Variants in DCC observed in about 807,000 individuals in gnomAD.
DCC encodes the protein netrin receptor DCC.
A neutral mutation model predicts 172.5 loss-of-function variants in DCC; 58 were observed. That is an observed-to-expected ratio of 0.34 (90% confidence interval 0.27 to 0.42). The LOEUF (loss-of-function observed/expected upper bound fraction) is 0.42. Among genes scored for constraint, DCC ranks in the 10% least tolerant of loss-of-function variants. The pLI is 1.00. For synonymous variants in DCC, 709 were observed against 644.5 expected, an observed-to-expected ratio of 1.10 and a Z score of -1.52; for missense variants, 1,740 against 1,791.0, an observed-to-expected ratio of 0.97 and a Z score of 0.51.
chr18:53,433,258 T>C (rs1411409324), intron 21 of DCC, among the ~76,000 whole-genome samples: 1 of 152,142 alleles, frequency 6.6e-6, no homozygotes, highest in Non-Finnish European at 1.5e-5. Context: ...TCACTAAATC[T>C]AAGGGGTGCT....
rs749992109 is a variant in DCC, at chr18:53,183,326, CCT to C, written c.1573+4213_1573+4214del. Among the ~76,000 whole-genome samples, 5 of 152,184 alleles carry C rather than the reference CCT, an allele frequency of 3.3e-5. No homozygotes were observed. In the South Asian group the frequency reaches 1.0e-3, roughly 32 times the overall value. ...GCTTGATTTATATGAAGGTTTGTGT[CCT>C]CTGATGGTATCTTCCTTTGCTAAAC... is the stretch of plus-strand genomic sequence containing the variant. On this transcript the variant is annotated intron_variant, in intron 9 of 28. Coordinates refer to ENST00000442544, the MANE Select transcript of DCC (RefSeq NM_005215.4).
At chr18:53,036,682 C>T (rs1458419462) in intron 5 of DCC, among the ~76,000 whole-genome samples, 3 of 152,004 alleles carry the variant, frequency 2.0e-5, no homozygotes, top group Non-Finnish European at 4.4e-5. Context: ...GCATAGGTAG[C>T]TGAATGCTAT....
intron 8 of DCC, among the ~76,000 whole-genome samples, chr18:53,162,298 C>CAAAAA (rs59626358): frequency 3.6e-4 from 41 of 114,754 alleles, no homozygotes; most frequent in African/African-American, 9.9e-4. Flanking sequence ...GACTCTGCCT[C>CAAAAA]AAAAAAAAAA....
At chr18:52,932,285 A>G (rs905428179) in intron 5 of DCC, among the ~76,000 whole-genome samples, 1 of 152,086 alleles carries the variant, frequency 6.6e-6, no homozygotes, top group African/African-American at 2.4e-5. Context: ...GTATCTGCCC[A>G]TCCCCAACTT....
intron 1 of DCC, among the ~76,000 whole-genome samples, chr18:52,506,215 A>G (rs956535137): frequency 6.6e-6 from 1 of 152,138 alleles, no homozygotes; most frequent in African/African-American, 2.4e-5. Context: ...TATGTCATAC[A>G]TTTTTAAAAG....
In DCC at chr18:53,383,122, G is replaced by A. The variant is rs185365350; in HGVS notation, c.2360-2921G>A. Among the ~76,000 whole-genome samples, 3 of 152,128 alleles carry A rather than the reference G, an allele frequency of 2.0e-5. No homozygotes were observed. The East Asian group carries it at 5.8e-4, about 29-fold the overall frequency. ...CCAGAGGCTAGATCAGACTAAGTAGGTTTGATCCCTTTGGCAAAACTCTGG... is the reference window on the plus strand; with the variant it reads ...CCAGAGGCTAGATCAGACTAAGTAGATTTGATCCCTTTGGCAAAACTCTGG... On this transcript the variant is annotated intron_variant, in intron 15 of 28. Coordinates refer to ENST00000442544, the MANE Select transcript of DCC (RefSeq NM_005215.4).
At chr18:52,392,369 C>T (rs1488648217) in intron 1 of DCC, among the ~76,000 whole-genome samples, 2 of 152,112 alleles carry the variant, frequency 1.3e-5, no homozygotes, top group Non-Finnish European at 2.9e-5. Flanking sequence ...AATTAGAAAG[C>T]TTGGATGATA....
At chr18:52,683,099 C>G (rs1863327555) in intron 1 of DCC, among the ~76,000 whole-genome samples, 1 of 151,952 alleles carries the variant, frequency 6.6e-6, no homozygotes, top group African/African-American at 2.4e-5. Context: ...TTCTTATTTC[C>G]ATGTGGTTCT....
At chr18:52,998,242 G>A (rs895465598) in intron 5 of DCC, among the ~76,000 whole-genome samples, 2 of 152,012 alleles carry the variant, frequency 1.3e-5, no homozygotes, top group African/African-American at 2.4e-5. Context: ...AGCAGGAATT[G>A]TGCTATAGTG....
intron 2 of DCC, among the ~76,000 whole-genome samples, chr18:52,797,970 C>T (rs764765113): frequency 3.3e-5 from 5 of 150,470 alleles, no homozygotes; most frequent in African/African-American, 4.9e-5. Flanking sequence ...GTGGTGGGTG[C>T]ACTGGACCTG....
chr18:52,952,458 C>T (rs1270980465), intron 5 of DCC, among the ~76,000 whole-genome samples: 1 of 152,092 alleles, frequency 6.6e-6, no homozygotes, highest in Non-Finnish European at 1.5e-5. Context: ...ATTTTCTTAT[C>T]TACTTATATT....
intron 15 of DCC, among the ~76,000 whole-genome samples, chr18:53,343,325 A>G (rs12956187): frequency 0.61 from 93,138 of 151,788 alleles, 29,200 homozygotes; most frequent in African/African-American, 0.68. Flanking sequence ...TTGTGAGATT[A>G]AAGAAATGCT....
intron 2 of DCC, among the ~76,000 whole-genome samples, chr18:52,830,122 G>A (rs1286191505): frequency 6.6e-6 from 1 of 152,140 alleles, no homozygotes; most frequent in Non-Finnish European, 1.5e-5. Flanking sequence ...AAGTAAGCAA[G>A]CCAGGAAGAG....
intron 12 of DCC, among the ~76,000 whole-genome samples, chr18:53,224,289 T>C (rs181939086): frequency 6.6e-6 from 1 of 152,222 alleles, no homozygotes; most frequent in East Asian, 1.9e-4. Context: ...ATATTTCAAG[T>C]GATGCCAACA....
At chr18:53,439,021 C>T (rs183992132) in intron 22 of DCC, among the ~76,000 whole-genome samples, 2 of 152,260 alleles carry the variant, frequency 1.3e-5, no homozygotes, top group East Asian at 1.9e-4. Flanking sequence ...AGATGAATAA[C>T]GTATCTGAAA....
chr18:52,941,561 CTATA>C (rs896199175), intron 5 of DCC, among the ~76,000 whole-genome samples: 7 of 151,634 alleles, frequency 4.6e-5, no homozygotes, highest in African/African-American at 1.2e-4. Flanking sequence ...TATACACACA[CTATA>C]TATGCATATA....
chr18:52,560,939 A>G (rs1033257309), intron 1 of DCC, among the ~76,000 whole-genome samples: 5 of 152,166 alleles, frequency 3.3e-5, no homozygotes, highest in Non-Finnish European at 7.4e-5. Flanking sequence ...AAGTTTCTGT[A>G]TCAATTTTTC....
chr18:52,438,446 A>C (rs991964158), intron 1 of DCC, among the ~76,000 whole-genome samples: 2 of 152,192 alleles, frequency 1.3e-5, no homozygotes, highest in Non-Finnish European at 2.9e-5. Flanking sequence ...CCATGAAAGA[A>C]GTTTATTAAT....
rs576908477 is a variant in DCC, at chr18:53,000,084, G to A, written c.986-63221G>A. On this transcript the variant is annotated intron_variant, in intron 5 of 28. Coordinates refer to ENST00000442544, the MANE Select transcript of DCC (RefSeq NM_005215.4). ...GATTCTACCCAGGGTCTCAGAGCAA[G>A]TATAGCCCTGCTGACATCTTGTTTT... is the stretch of plus-strand genomic sequence containing the variant. Among the ~76,000 whole-genome samples, 5 of 152,134 alleles carry A rather than the reference G, an allele frequency of 3.3e-5. No individual in the cohort carries two copies. The South Asian group carries it at 1.0e-3, about 32-fold the overall frequency.
Sources: allele counts gnomAD v4.1 joint callset (sites outside exome capture counted in the v4.1 genomes callset), GRCh38; gene constraint gnomAD v4.1.1; transcripts MANE v1.5; gene names NCBI Gene and HGNC (gene_info 2026-07-23, HGNC 2026-07-21).